MAP4K4: variants seen among roughly 807,000 people sequenced by gnomAD.
The protein encoded by MAP4K4 is mitogen-activated protein kinase kinase kinase kinase 4.
Under a neutral mutation model 189.6 loss-of-function variants are expected in MAP4K4, and 38 were observed. The observed-to-expected ratio is 0.20, with a 90% CI of 0.15 to 0.26. The LOEUF (loss-of-function observed/expected upper bound fraction) is 0.26. Among genes scored for constraint, MAP4K4 ranks in the 10% least tolerant of loss-of-function variants. The pLI is 1.00. For missense variants in MAP4K4, 1,054 were observed against 1,726.9 expected (o/e 0.61, Z 6.91); for synonymous variants, 610 against 624.3 (o/e 0.98, Z 0.34).
Position 101,790,790 on chromosome 2 carries a change from A to C in MAP4K4, c.180+14A>C, listed in dbSNP as rs1410304327. 1 of 1,596,866 alleles carries C rather than the reference A, an allele frequency of 6.3e-7. No homozygotes were observed. Among genetic ancestry groups the C allele is most frequent in the Admixed American group, 1.7e-5 (1 of 58,892 alleles). On this transcript the variant is annotated intron_variant, in intron 3 of 32. Coordinates refer to ENST00000324219, the Ensembl canonical transcript of MAP4K4. Reference sequence around the variant, plus strand: ...GATGTCACTGAGGTAAGATTGAGTCACACACATTTTTAAATAATGTTAGAT... The same window carrying C: ...GATGTCACTGAGGTAAGATTGAGTCCCACACATTTTTAAATAATGTTAGAT...
intron 32 of MAP4K4, 93 bp downstream of exon 32, chr2:101,889,028 T>C: frequency 8.5e-7 from 1 of 1,171,688 alleles, no homozygotes. Context: ...CCTTGGAGTT[T>C]TGATAAAAAT....
intron 2 of MAP4K4, among the ~76,000 whole-genome samples, chr2:101,780,633 C>G (rs2086846723): frequency 6.6e-6 from 1 of 152,200 alleles, no homozygotes; most frequent in African/African-American, 2.4e-5. Context: ...TCTGCCCTAG[C>G]TTTACAAGGT....
At chr2:101,781,204 G>A (rs1363182320) in intron 2 of MAP4K4, among the ~76,000 whole-genome samples, 1 of 152,082 alleles carries the variant, frequency 6.6e-6, no homozygotes, top group Non-Finnish European at 1.5e-5. Context: ...TTCAAACTTA[G>A]TTCCTCACAC....
intron 16 of MAP4K4, chr2:101,861,554 G>A (rs1400617984): frequency 6.6e-6 from 1 of 152,644 alleles, no homozygotes; most frequent in Non-Finnish European, 1.5e-5. Flanking sequence ...TGGGTTAGGT[G>A]TGGATTTCTC....
exon 33 of MAP4K4, chr2:101,892,737 GT>G (rs1249774383): frequency 5.4e-6 from 2 of 368,300 alleles, no homozygotes; most frequent in Non-Finnish European, 1.1e-5. Flanking sequence ...CTTGTTCTCT[GT>G]TTTTTTAAAC....
At chr2:101,796,033 T>C (rs1160305586) in intron 3 of MAP4K4, among the ~76,000 whole-genome samples, 4 of 152,210 alleles carry the variant, frequency 2.6e-5, no homozygotes, top group Non-Finnish European at 4.4e-5. Context: ...AAACTTATTA[T>C]GTGGTGTTTT....
At chr2:101,775,863 T>A (rs962346687) in intron 2 of MAP4K4, among the ~76,000 whole-genome samples, 4 of 152,188 alleles carry the variant, frequency 2.6e-5, no homozygotes, top group Non-Finnish European at 5.9e-5. Context: ...GGTGCTTGTG[T>A]GGTCACTCAC....
In MAP4K4 at chr2:101,829,487, C is replaced by G. The variant is rs1267718494; in HGVS notation, c.418-17C>G. ...AGTCACAGAAAACTAAAATTCAGGT[C>G]TGTCTTTCCTATTCAGGGACTGGCA... is the stretch of plus-strand genomic sequence containing the variant. On this transcript the variant is annotated splice_polypyrimidine_tract_variant and intron_variant, in intron 5 of 32. Transcript: ENST00000324219. 6 of 1,575,850 alleles carry G rather than the reference C, an allele frequency of 3.8e-6. No individual in the cohort carries two copies. Among genetic ancestry groups the G allele is most frequent in the Non-Finnish European group, 5.2e-6 (6 of 1,151,724 alleles).
intron 2 of MAP4K4, among the ~76,000 whole-genome samples, chr2:101,700,763 C>A (rs2038013308): frequency 6.7e-6 from 1 of 150,364 alleles, no homozygotes; most frequent in African/African-American, 2.4e-5. Context: ...TTGATTGTCT[C>A]ATACATCAGT....
chr2:101,866,202 A>G (rs1309265865), intron 18 of MAP4K4, among the ~76,000 whole-genome samples: 1 of 152,204 alleles, frequency 6.6e-6, no homozygotes, highest in African/African-American at 2.4e-5. Flanking sequence ...TTTTAGATCT[A>G]CTAATGGTAG....
At chr2:101,866,385 A>G in intron 18 of MAP4K4, 43 bp from the exon 19 acceptor site, 4 of 1,579,458 alleles carry the variant, frequency 2.5e-6, no homozygotes, top group Non-Finnish European at 3.5e-6. Flanking sequence ...TGCTGCATCT[A>G]GAGATGACAC....
chr2:101,786,713 G>C (rs1448694643), intron 2 of MAP4K4, among the ~76,000 whole-genome samples: 1 of 152,156 alleles, frequency 6.6e-6, no homozygotes, highest in Non-Finnish European at 1.5e-5. Context: ...GTGGAAGGGG[G>C]ATCCTGCTGC....
intron 2 of MAP4K4, among the ~76,000 whole-genome samples, chr2:101,775,481 T>G (rs1253188350): frequency 6.6e-6 from 1 of 151,988 alleles, no homozygotes; most frequent in Non-Finnish European, 1.5e-5. Context: ...TGAGATTGTT[T>G]GTAAAGGTCT....
intron 2 of MAP4K4, among the ~76,000 whole-genome samples, chr2:101,760,503 AAT>A (rs35922398): frequency 0.64 from 84,486 of 132,966 alleles, 26,983 homozygotes; most frequent in East Asian, 0.71. Context: ...AAAAAAACAA[AAT>A]ATATATATAT....
chr2:101,797,200 G>A, intron 3 of MAP4K4: 1 of 1,277,602 alleles, frequency 7.8e-7, no homozygotes, highest in Non-Finnish European at 1.0e-6. Flanking sequence ...AGGAAGGGAA[G>A]GAGAGATCTC....
rs571888109 is a variant in MAP4K4, at chr2:101,882,179, A to G, written c.3386-372A>G. Among the ~76,000 whole-genome samples the G allele has an allele frequency of 4.6e-5, 7 of 152,284 alleles. No homozygotes were observed. In the East Asian group the frequency reaches 9.6e-4, roughly 21 times the overall value. On this transcript the variant is annotated intron_variant, in intron 27 of 32. Coordinates refer to ENST00000324219, the Ensembl canonical transcript of MAP4K4. ...TACCTTTGATATTGTCAGTCTTTTG[A>G]ATTCTAGACATACTGATAGGTGTAT...
intron 2 of MAP4K4, among the ~76,000 whole-genome samples, chr2:101,728,055 G>A (rs977792160): frequency 6.6e-6 from 1 of 152,310 alleles, no homozygotes; most frequent in East Asian, 1.9e-4. Context: ...AGGTTGTCAT[G>A]GCTTGCTCTC....
intron 3 of MAP4K4, among the ~76,000 whole-genome samples, chr2:101,806,993 G>A (rs902120924): frequency 4.0e-5 from 6 of 151,752 alleles, no homozygotes; most frequent in Non-Finnish European, 5.9e-5. Context: ...GTGGAGTAGT[G>A]TTGGTTCATA....
chr2:101,777,295 G>T (rs2084730309), intron 2 of MAP4K4, among the ~76,000 whole-genome samples: 1 of 152,234 alleles, frequency 6.6e-6, no homozygotes, highest in Non-Finnish European at 1.5e-5. Context: ...GCTCTGTGCA[G>T]TGCCTGTTTT....
Sources: allele counts gnomAD v4.1 joint callset (sites outside exome capture counted in the v4.1 genomes callset), GRCh38; gene constraint gnomAD v4.1.1; transcripts MANE v1.5; gene names NCBI Gene and HGNC (gene_info 2026-07-23, HGNC 2026-07-21).